MAPK10: variants seen among roughly 807,000 people sequenced by gnomAD.
MAPK10 encodes JNK3 alpha protein kinase.
MAPK10 carries 25 observed loss-of-function variants against 59.3 expected under a neutral mutation model. That is an observed-to-expected ratio of 0.42 (90% CI 0.31 to 0.59). The LOEUF is 0.59. Ranked by LOEUF, MAPK10 falls within the 20% of genes least tolerant of loss-of-function variation. The pLI, the probability that MAPK10 is intolerant of heterozygous loss-of-function variation, is 0.15. For synonymous variants in MAPK10, 190 were observed against 200.5 expected (o/e 0.95, Z 0.44); for missense variants, 351 against 568.9 (o/e 0.62, Z 3.90).
At chr4:86,321,591 G>C (rs1454937516) in intron 2 of MAPK10, among the ~76,000 whole-genome samples, 1 of 118,260 alleles carries the variant, frequency 8.5e-6, no homozygotes, top group Non-Finnish European at 1.7e-5. Flanking sequence ...GTTGTGGGGT[G>C]GGGGGAGGGG....
rs1290961290 is a variant in MAPK10 at position 86,252,078 on chromosome 4, T to C, written c.-6-57671A>G. The stretch of plus-strand genomic sequence containing the variant: ...TTGTAGCTTCTGGATATTAGCCCTT[T>C]GTCAGATGAGTAGGTTGCGAAAATT... On this transcript the variant is annotated intron_variant, in intron 2 of 13. Transcript: ENST00000641462. Among the ~76,000 whole-genome samples, 3 of 120,756 alleles carry C rather than the reference T, an allele frequency of 2.5e-5. 1 individual carries two copies. The highest frequency in any genetic ancestry group is 1.5e-4 in the African/African-American group (3 of 19,874). The allele number at this position is 120,756 out of a possible 152,430, so 79.2% of individuals were successfully genotyped here.
chr4:86,587,034 G>A lies in MAPK10; in HGVS notation c.-263+6876C>T, dbSNP rs576405240. On this transcript the variant is annotated intron_variant, in intron 1 of 4. Transcript: ENST00000502302. ...AAACCTGTAAAGCTTTTTGTTGTTT[G>A]GCTTTAAAAAATAGTGGCCTAAAGC... Among the ~76,000 whole-genome samples the A allele has an allele frequency of 2.6e-5, 4 of 152,178 alleles. No homozygotes were observed. The East Asian group carries it at 7.7e-4, about 29-fold the overall frequency.
chr4:86,064,418 A>G, intron 10 of MAPK10, 28 bp from the exon 11 acceptor site: 1 of 1,612,574 alleles, frequency 6.2e-7, no homozygotes, highest in Non-Finnish European at 8.5e-7. Context: ...AAAAACAATT[A>G]GTAAGATTTT....
intron 2 of MAPK10, among the ~76,000 whole-genome samples, chr4:86,307,043 G>A (rs992299193): frequency 3.9e-5 from 6 of 152,120 alleles, no homozygotes; most frequent in Non-Finnish European, 8.8e-5. Context: ...AGAGCCAGAT[G>A]AGTAAATGAA....
intron 1 of MAPK10, among the ~76,000 whole-genome samples, chr4:86,517,954 T>C (rs1018335329): frequency 1.3e-5 from 2 of 152,174 alleles, no homozygotes; most frequent in Admixed American, 6.5e-5. Flanking sequence ...TTCAATCTTG[T>C]TACTTGTTAT....
intron 4 of MAPK10, among the ~76,000 whole-genome samples, chr4:86,140,389 T>C (rs1304475042): frequency 1.4e-5 from 2 of 146,108 alleles, no homozygotes; most frequent in Non-Finnish European, 3.0e-5. Flanking sequence ...TGTAGGGACA[T>C]GGATGAAATT....
At chr4:86,242,629 G>C (rs1477346100) in intron 2 of MAPK10, among the ~76,000 whole-genome samples, 1 of 152,228 alleles carries the variant, frequency 6.6e-6, no homozygotes, top group Non-Finnish European at 1.5e-5. Context: ...TGTAGGCCCT[G>C]ACTGCCACAG....
chr4:86,423,760 G>GAT lies in MAPK10; in HGVS notation c.-122+29268_-122+29269dup, dbSNP rs772650050. ...AGGGCTGCATATAAGTAATTAGTGGGATATATATACATATATATATATATA... is the reference window on the plus strand; with the variant it reads ...AGGGCTGCATATAAGTAATTAGTGGGATATATATATACATATATATATATATA... On this transcript the variant is annotated intron_variant, in intron 1 of 13. Coordinates refer to the MAPK10 transcript ENST00000361569. Among the ~76,000 whole-genome samples the GAT allele has an allele frequency of 1.7e-3, 201 of 117,114 alleles. 9 individuals are homozygous for GAT. The highest frequency in any genetic ancestry group is 4.8e-3 in the African/African-American group (139 of 28,690). 76.8% of individuals were successfully genotyped at this position (117,114 alleles called of 152,430 possible). A position where few individuals can be genotyped will look rare whatever the true frequency, so the allele number is the denominator to read the frequency against.
chr4:86,423,119 G>A (rs1363303732), intron 1 of MAPK10, among the ~76,000 whole-genome samples: 1 of 152,104 alleles, frequency 6.6e-6, no homozygotes, highest in Admixed American at 6.5e-5. Flanking sequence ...TCACAATGCA[G>A]TCAAAATACC....
Position 86,145,966 on chromosome 4 carries a change from A to G in MAPK10, c.236+13332T>C, listed in dbSNP as rs542833196. Among the ~76,000 whole-genome samples the G allele has an allele frequency of 1.3e-4, 20 of 152,352 alleles. No homozygotes were observed. The East Asian group carries it at 3.9e-3, about 29-fold the overall frequency. ...AATTTCACAGAAAAGGAGTCCGTCT[A>G]AGAACTGGGAAAATACAGTTGAAAA... On this transcript the variant is annotated intron_variant, in intron 4 of 13. Transcript: ENST00000641462.
chr4:86,346,068 T>C (rs1391062606), intron 2 of MAPK10, among the ~76,000 whole-genome samples: 4 of 152,174 alleles, frequency 2.6e-5, no homozygotes, highest in Non-Finnish European at 5.9e-5. Flanking sequence ...CCTTAAATTA[T>C]AACACAGAGT....
At chr4:86,166,417 G>T (rs2071749668) in intron 3 of MAPK10, among the ~76,000 whole-genome samples, 1 of 151,804 alleles carries the variant, frequency 6.6e-6, no homozygotes, top group Non-Finnish European at 1.5e-5. Context: ...TAAGGTTATA[G>T]AAAACTCTCA....
upstream of MAPK10, chr4:86,453,299 G>C (rs1564894386): frequency 6.6e-6 from 1 of 152,468 alleles, no homozygotes; most frequent in Non-Finnish European, 1.5e-5. Context: ...AACAGAGCAG[G>C]GAAGAAGGAG....
chr4:86,428,038 T>C (rs558445667), intron 1 of MAPK10, among the ~76,000 whole-genome samples: 93 of 152,286 alleles, frequency 6.1e-4, no homozygotes, highest in Non-Finnish European at 1.0e-3. Flanking sequence ...GTAGAATGAG[T>C]GCTCCATTGA....
chr4:86,327,273 C>G (rs1231988545), intron 2 of MAPK10: 1 of 152,028 alleles, frequency 6.6e-6, no homozygotes, highest in Non-Finnish European at 1.5e-5. Context: ...CTGTGCCCAG[C>G]CTAAAGTCAA....
intron 2 of MAPK10, among the ~76,000 whole-genome samples, chr4:86,255,057 A>G (rs927900706): frequency 6.6e-6 from 1 of 151,960 alleles, no homozygotes; most frequent in South Asian, 2.1e-4. Flanking sequence ...TTCCAAAGAA[A>G]AATAATGATA....
intron 1 of MAPK10, among the ~76,000 whole-genome samples, chr4:86,376,953 G>T (rs976827423): frequency 3.3e-5 from 5 of 152,026 alleles, no homozygotes; most frequent in Non-Finnish European, 7.4e-5. Flanking sequence ...GCCCTTGTTG[G>T]GCATCCCTGC....
chr4:86,228,399 T>C (rs1191875925), intron 2 of MAPK10, among the ~76,000 whole-genome samples: 1 of 152,208 alleles, frequency 6.6e-6, no homozygotes, highest in Non-Finnish European at 1.5e-5. Flanking sequence ...ACAGTAAATG[T>C]CGTGTATCAC....
chr4:86,326,343 T>C (rs2096022247), intron 2 of MAPK10: 1 of 152,192 alleles, frequency 6.6e-6, no homozygotes, highest in Non-Finnish European at 1.5e-5. Context: ...AAGGAAGAGA[T>C]ATGGTCTAAT....
Sources: allele counts gnomAD v4.1 joint callset (sites outside exome capture counted in the v4.1 genomes callset), GRCh38; gene constraint gnomAD v4.1.1; transcripts MANE v1.5; gene names NCBI Gene and HGNC (gene_info 2026-07-23, HGNC 2026-07-21).